Variants in DCAF6 observed in about 807,000 individuals in gnomAD.
DCAF6 encodes DDB1 and CUL4 associated factor 6.
A neutral mutation model predicts 125.1 loss-of-function variants in DCAF6; 54 were observed. That is an observed-to-expected ratio of 0.43 (90% CI 0.35 to 0.54). DCAF6 has a LOEUF of 0.54. Ranked by LOEUF, DCAF6 falls within the 20% of genes least tolerant of loss-of-function variation. DCAF6 has a pLI of 0.01. For missense variants in DCAF6, 934 were observed against 1,161.7 expected (o/e 0.80, Z 2.85); for synonymous variants, 371 against 390.4 (o/e 0.95, Z 0.58).
In DCAF6 at chr1:167,936,855, C is replaced by G. The variant is rs375341166; in HGVS notation, c.-57C>G. 1 of 1,392,076 alleles carries G rather than the reference C, an allele frequency of 7.2e-7. No individual in the cohort carries two copies. Among genetic ancestry groups the G allele is most frequent in the East Asian group, 2.5e-5 (1 of 40,040 alleles). The allele number at this position is 1,392,076 out of a possible 1,614,324, so 86.2% of individuals were successfully genotyped here. A position where few individuals can be genotyped will look rare whatever the true frequency, so the allele number is the denominator to read the frequency against. ...CGGGTGTTGAAACGGGTGTCCCCTC[C>G]CCCTCCTCCCCTCCCCCACGCGGTG... On this transcript the variant is annotated 5_prime_UTR_variant, in exon 1 of 22. Transcript: ENST00000367840.
the DCAF6 span, among the ~76,000 whole-genome samples, chr1:167,886,089 G>GA: frequency 1.5e-4 from 23 of 152,074 alleles, no homozygotes; most frequent in Admixed American, 1.5e-3. Flanking sequence ...TCATGGATAG[G>GA]AAAAATCAAT....
the DCAF6 span, among the ~76,000 whole-genome samples, chr1:167,868,585 G>C: frequency 6.6e-6 from 1 of 151,848 alleles, no homozygotes; most frequent in Non-Finnish European, 1.5e-5. Context: ...GGCTATACTG[G>C]ATACGTGGAC....
the DCAF6 span, among the ~76,000 whole-genome samples, chr1:167,928,755 T>C: frequency 2.0e-5 from 3 of 152,242 alleles, no homozygotes; most frequent in African/African-American, 7.2e-5. Flanking sequence ...GAAGTGATTA[T>C]AATACCTTAA....
At chr1:167,871,328 T>C in the DCAF6 span, among the ~76,000 whole-genome samples, 1 of 152,210 alleles carries the variant, frequency 6.6e-6, no homozygotes, top group Non-Finnish European at 1.5e-5. Context: ...ATTTCTATCA[T>C]AAGAGCAACT....
chr1:168,034,676 T>C (rs1687572868), intron 12 of DCAF6, among the ~76,000 whole-genome samples: 2 of 152,220 alleles, frequency 1.3e-5, no homozygotes, highest in African/African-American at 2.4e-5. Flanking sequence ...ATATTCATAG[T>C]AATGCTCAAT....
intron 7 of DCAF6, among the ~76,000 whole-genome samples, chr1:168,001,329 C>T (rs1388840584): frequency 1.3e-5 from 2 of 152,004 alleles, no homozygotes; most frequent in African/African-American, 2.4e-5. Context: ...TTAAAGGGAG[C>T]GGTCAAGAGT....
chr1:167,912,126 A>T, the DCAF6 span, among the ~76,000 whole-genome samples: 1 of 152,272 alleles, frequency 6.6e-6, no homozygotes. Flanking sequence ...CTACAGGCAC[A>T]TACCACATTG....
chr1:168,042,808 C>G, intron 13 of DCAF6: 1 of 419,472 alleles, frequency 2.4e-6, no homozygotes, highest in Non-Finnish European at 4.3e-6. Flanking sequence ...AAGAAGCAGT[C>G]CCTTTATATT....
the DCAF6 span, among the ~76,000 whole-genome samples, chr1:167,903,456 C>T: frequency 1.3e-5 from 2 of 150,446 alleles, no homozygotes; most frequent in African/African-American, 2.5e-5. Flanking sequence ...CCTAGCTACT[C>T]GGGAGGCTGA....
chr1:167,927,877 T>C, the DCAF6 span, among the ~76,000 whole-genome samples: 2 of 152,304 alleles, frequency 1.3e-5, no homozygotes, highest in South Asian at 2.1e-4. Flanking sequence ...TTTTAAACTA[T>C]GAAAACAAGC....
the DCAF6 span, chr1:167,904,821 A>G: frequency 1.2e-6 from 1 of 801,122 alleles, no homozygotes; most frequent in Non-Finnish European, 2.1e-6. Flanking sequence ...GATGAGAGAG[A>G]GCCAGGGCCA....
At chr1:167,867,935 C>T in the DCAF6 span, among the ~76,000 whole-genome samples, 1,106 of 152,260 alleles carry the variant, frequency 7.3e-3, 13 homozygotes, top group African/African-American at 0.026. Context: ...GGCAGCCCCT[C>T]CTGTACGAGT....
intron 17 of DCAF6, among the ~76,000 whole-genome samples, chr1:168,054,011 A>G (rs1237641351): frequency 6.6e-6 from 1 of 152,170 alleles, no homozygotes; most frequent in East Asian, 1.9e-4. Flanking sequence ...CCCACAAAGG[A>G]GCAGAAACAG....
chr1:167,893,554 A>G, the DCAF6 span, among the ~76,000 whole-genome samples: 1 of 152,030 alleles, frequency 6.6e-6, no homozygotes, highest in South Asian at 2.1e-4. Flanking sequence ...CTCTACTAAA[A>G]ATACAAAAAG....
At chr1:167,875,598 C>T in the DCAF6 span, among the ~76,000 whole-genome samples, 6 of 152,190 alleles carry the variant, frequency 3.9e-5, no homozygotes, top group Admixed American at 6.5e-5. Flanking sequence ...ATGTGTCTGG[C>T]GCAGTTCCAA....
intron 7 of DCAF6, among the ~76,000 whole-genome samples, chr1:167,995,581 G>A (rs1225574661): frequency 6.6e-6 from 1 of 151,676 alleles, no homozygotes; most frequent in African/African-American, 2.4e-5. Context: ...TTGGGAGGTT[G>A]AGGCAGGAGA....
chr1:167,980,577 T>G (rs1181465752), intron 4 of DCAF6, among the ~76,000 whole-genome samples: 1 of 152,228 alleles, frequency 6.6e-6, no homozygotes, highest in Non-Finnish European at 1.5e-5. Context: ...GAAGTTGAGC[T>G]TCTTTTCATA....
At chr1:167,938,724 G>GT (rs889019765) in intron 1 of DCAF6, among the ~76,000 whole-genome samples, 1 of 152,202 alleles carries the variant, frequency 6.6e-6, no homozygotes, top group Non-Finnish European at 1.5e-5. Context: ...CAGTTGGACA[G>GT]TTTAAGTACT....
chr1:167,899,514 A>C, the DCAF6 span: 1 of 1,614,234 alleles, frequency 6.2e-7, no homozygotes, highest in Non-Finnish European at 8.5e-7. Context: ...AACATCATTC[A>C]TCTGAGCCAT....
Sources: gnomAD v4.1 joint callset for allele counts (sites outside exome capture counted in the v4.1 genomes callset) on GRCh38, gnomAD v4.1.1 for gene constraint, MANE v1.5 for transcripts, NCBI Gene and HGNC (gene_info 2026-07-23, HGNC 2026-07-21) for gene names.